The following ACTR3C variants were observed in gnomAD, a reference collection of about 807,000 sequenced individuals.
The protein encoded by ACTR3C is actin-related protein 3C.
A neutral mutation model predicts 26.3 loss-of-function variants in ACTR3C; 18 were observed. That is an observed-to-expected ratio of 0.68 (90% CI 0.47 to 1.01). ACTR3C has a LOEUF of 1.01. Among genes scored for constraint, ACTR3C ranks in the 50% least tolerant of loss-of-function variants. The pLI, the probability that ACTR3C is intolerant of heterozygous loss-of-function variation, is 0.00. For missense variants in ACTR3C, 184 were observed against 250.7 expected (o/e 0.73, Z 1.80); for synonymous variants, 55 against 94.5 (o/e 0.58, Z 2.42).
the ACTR3C span, among the ~76,000 whole-genome samples, chr7:149,927,734 GAA>G: frequency 8.1e-6 from 1 of 123,236 alleles, no homozygotes; most frequent in Admixed American, 8.1e-5. Context: ...GTCTCCGAAA[GAA>G]AAAAAAAAAG....
the ACTR3C span, among the ~76,000 whole-genome samples, chr7:150,036,106 AG>A: frequency 7.9e-6 from 1 of 126,882 alleles, no homozygotes; most frequent in Non-Finnish European, 1.8e-5. Context: ...GGGGGTGCAA[AG>A]AGCCAGGGGG....
the ACTR3C span, among the ~76,000 whole-genome samples, chr7:150,120,050 C>T: frequency 6.6e-6 from 1 of 152,184 alleles, no homozygotes; most frequent in Non-Finnish European, 1.5e-5. Flanking sequence ...AACAAAGACA[C>T]AATGTACCAG....
At chr7:150,270,600 C>T (rs1350767358) in intron 6 of ACTR3C, among the ~76,000 whole-genome samples, 4 of 151,102 alleles carry the variant, frequency 2.6e-5, no homozygotes, top group African/African-American at 9.8e-5. Context: ...GCACTCAACA[C>T]ACATGGGCGC....
At chr7:150,303,251 A>G (rs1311301023) in intron 1 of ACTR3C, among the ~76,000 whole-genome samples, 3 of 152,198 alleles carry the variant, frequency 2.0e-5, no homozygotes, top group Non-Finnish European at 4.4e-5. Flanking sequence ...TCCTGCCCTT[A>G]ACACCCTCCT....
the ACTR3C span, among the ~76,000 whole-genome samples, chr7:150,229,167 T>C: frequency 2.6e-5 from 4 of 152,048 alleles, no homozygotes; most frequent in Non-Finnish European, 4.4e-5. Flanking sequence ...CAATCTGTTA[T>C]ATATTTGTTC....
At chr7:150,043,312 C>T in the ACTR3C span, among the ~76,000 whole-genome samples, 1 of 151,320 alleles carries the variant, frequency 6.6e-6, no homozygotes, top group African/African-American at 2.4e-5. Context: ...GGCTCTCAGT[C>T]CCCGCCTTGC....
chr7:149,884,800 A>G, the ACTR3C span, among the ~76,000 whole-genome samples: 2 of 152,214 alleles, frequency 1.3e-5, no homozygotes, highest in African/African-American at 4.8e-5. Context: ...CTACTTGTCA[A>G]TGTGGAGTAT....
chr7:150,122,239 T>C, the ACTR3C span, among the ~76,000 whole-genome samples: 1 of 150,584 alleles, frequency 6.6e-6, no homozygotes, highest in African/African-American at 2.5e-5. Flanking sequence ...GGGATCTAAT[T>C]AAAGAGCTTC....
At chr7:150,017,676 C>A in the ACTR3C span, among the ~76,000 whole-genome samples, 2 of 149,502 alleles carry the variant, frequency 1.3e-5, no homozygotes, top group Non-Finnish European at 3.0e-5. Flanking sequence ...AACACTTCCC[C>A]AGCACACCCT....
chr7:150,307,922 G>A (rs116049738), intron 1 of ACTR3C, among the ~76,000 whole-genome samples: 89 of 152,088 alleles, frequency 5.9e-4, no homozygotes, highest in African/African-American at 2.1e-3. Context: ...CAATTTCCAC[G>A]TCACCCTTCA....
chr7:149,940,364 T>C, the ACTR3C span, among the ~76,000 whole-genome samples: 1 of 152,128 alleles, frequency 6.6e-6, no homozygotes, highest in East Asian at 1.9e-4. Flanking sequence ...CCTGAATTTT[T>C]CTTCTGATCA....
At chr7:149,885,665 T>G in the ACTR3C span, among the ~76,000 whole-genome samples, 1 of 152,256 alleles carries the variant, frequency 6.6e-6, no homozygotes, top group South Asian at 2.1e-4. Context: ...TTTTGTCCTC[T>G]GACAAAGACC....
the ACTR3C span, among the ~76,000 whole-genome samples, chr7:149,908,033 G>T: frequency 6.6e-6 from 1 of 151,564 alleles, no homozygotes; most frequent in African/African-American, 2.4e-5. Context: ...AGAGGTGGTT[G>T]GGGTAAATGT....
chr7:150,285,655 C>G (rs1227490789), intron 5 of ACTR3C, among the ~76,000 whole-genome samples: 2 of 152,134 alleles, frequency 1.3e-5, no homozygotes, highest in East Asian at 1.9e-4. Context: ...TTTCTCTGTA[C>G]AAAATAGTCA....
At chr7:149,911,415 C>G in the ACTR3C span, among the ~76,000 whole-genome samples, 2 of 151,984 alleles carry the variant, frequency 1.3e-5, no homozygotes, top group African/African-American at 4.8e-5. Flanking sequence ...AGGGTCCTTT[C>G]TCATGGTTAT....
At chr7:149,972,735 G>T in the ACTR3C span, among the ~76,000 whole-genome samples, 1 of 152,228 alleles carries the variant, frequency 6.6e-6, no homozygotes, top group Admixed American at 6.5e-5. Context: ...TGACAGCAAA[G>T]ACTTGAAATG....
At chr7:150,281,418 G>A (rs1835329247) in intron 6 of ACTR3C, among the ~76,000 whole-genome samples, 1 of 150,550 alleles carries the variant, frequency 6.6e-6, no homozygotes, top group Non-Finnish European at 1.5e-5. Flanking sequence ...AGCGTAGCAG[G>A]GAGTGCACCG....
chr7:150,023,828 G>A, the ACTR3C span, among the ~76,000 whole-genome samples: 1 of 143,004 alleles, frequency 7.0e-6, no homozygotes, highest in Non-Finnish European at 1.5e-5. Flanking sequence ...GGTGGGCACG[G>A]CCGACACTTA....
the ACTR3C span, among the ~76,000 whole-genome samples, chr7:150,041,857 T>C: frequency 7.7e-6 from 1 of 130,416 alleles, no homozygotes; most frequent in Non-Finnish European, 1.6e-5. Context: ...TAGCTCTCAG[T>C]CCCCACTCTC....
Sources: gnomAD v4.1 joint callset for allele counts (sites outside exome capture counted in the v4.1 genomes callset) on GRCh38, gnomAD v4.1.1 for gene constraint, MANE v1.5 for transcripts, NCBI Gene and HGNC (gene_info 2026-07-23, HGNC 2026-07-21) for gene names.